Variants in BTBD8 observed in about 807,000 individuals in gnomAD.
BTBD8 encodes the protein BTB/POZ domain-containing protein 8.
In BTBD8, 110 loss-of-function variants were observed where a neutral mutation model predicts 162.9. The observed-to-expected ratio is 0.68, with a 90% CI of 0.58 to 0.79. The LOEUF (loss-of-function observed/expected upper bound fraction) is 0.79, where lower values mean the gene tolerates loss of function less well. Ranked by LOEUF, BTBD8 falls within the 30% of genes least tolerant of loss-of-function variation. BTBD8 has a pLI of 0.00. For missense variants in BTBD8, 1,905 were observed against 2,085.4 expected (o/e 0.91, Z 1.68); for synonymous variants, 667 against 716.1 (o/e 0.93, Z 1.10).
chr1:92,107,865 T>C lies in BTBD8; in HGVS notation c.545-19T>C, dbSNP rs771145690. 9.5e-6 allele frequency: 15 copies of C among 1,582,254 alleles called. No homozygotes were observed. The highest frequency in any genetic ancestry group is 8.6e-6 in the Non-Finnish European group (10 of 1,163,356). ...TGTAATATTAAACTATTTTTTAGTC[T>C]TGTTTTTCTTTTTTAAAGATAATTA... On this transcript the variant is annotated intron_variant, in intron 3 of 17. Transcript: ENST00000636805.
chr1:92,105,862 T>C (rs1261034352), intron 3 of BTBD8, among the ~76,000 whole-genome samples: 2 of 152,160 alleles, frequency 1.3e-5, no homozygotes, highest in African/African-American at 4.8e-5. Context: ...TGGTTATAAC[T>C]AAGTGTTTGC....
At chr1:92,183,518 A>G (rs1650980125) in intron 17 of BTBD8, among the ~76,000 whole-genome samples, 1 of 151,472 alleles carries the variant, frequency 6.6e-6, no homozygotes, top group South Asian at 2.1e-4. Flanking sequence ...TCAAAACACT[A>G]TGTCTTTTTT....
At chr1:92,097,292 A>G (rs900732442) in intron 2 of BTBD8, among the ~76,000 whole-genome samples, 1 of 151,880 alleles carries the variant, frequency 6.6e-6, no homozygotes, top group African/African-American at 2.4e-5. Context: ...ACCAGCTAAT[A>G]CCCTAATGCT....
rs780650060 is a variant in BTBD8 at position 92,167,933 on chromosome 1, C to T, written c.1391C>T (p.Ser464Phe). The T allele has an allele frequency of 1.3e-6, 2 of 1,550,812 alleles. No homozygotes were observed. Among genetic ancestry groups the T allele is most frequent in the South Asian group, 1.2e-5 (1 of 83,974 alleles). The change falls in exon 11 of 18, where the codon TCT (serine) becomes TTT (phenylalanine). Residue 464 changes from serine to phenylalanine, a missense_variant. Transcript: ENST00000636805. Reference sequence around the variant, plus strand: ...AATATCACCACTGAAAATAGCTGCTCTCTTCTTATGGCTCTGGACACACTG... The same window carrying T: ...AATATCACCACTGAAAATAGCTGCTTTCTTCTTATGGCTCTGGACACACTG... ...EENITTENSCSLLMALDTLLN... is the reference protein window; with the variant it reads ...EENITTENSCFLLMALDTLLN...
At position 92,129,681 on chromosome 1, in the gene BTBD8, CT is replaced by C. The variant is rs749780025; in HGVS notation, c.663-3del. 5 of 1,612,168 alleles carry C rather than the reference CT, an allele frequency of 3.1e-6. No homozygotes were observed. In the African/African-American group the frequency reaches 6.7e-5, roughly 22 times the overall value. The stretch of plus-strand genomic sequence containing the variant: ...TACCTGTGTTTCTCCCCCCTCTTCC[CT>C]TTAGGGCCATTTTGAGTGCCAGATC... On this transcript the variant is annotated splice_region_variant and splice_polypyrimidine_tract_variant and intron_variant, in intron 4 of 17. Coordinates refer to ENST00000636805, the MANE Select transcript of BTBD8 (RefSeq NM_001376131.1).
chr1:92,179,269 T>C (rs576724451), intron 16 of BTBD8, among the ~76,000 whole-genome samples: 96 of 151,402 alleles, frequency 6.3e-4, no homozygotes, highest in African/African-American at 2.0e-3. Context: ...AAATTGATAA[T>C]GATAATAATA....
chr1:92,091,284 C>T (rs916986455), intron 2 of BTBD8, among the ~76,000 whole-genome samples: 1 of 152,178 alleles, frequency 6.6e-6, no homozygotes, highest in African/African-American at 2.4e-5. Context: ...CTGCTTTCTT[C>T]TTCGCCTTCT....
chr1:92,127,552 TTTTGTTTGTTTGTTTGTTTG>T (rs71586734), intron 4 of BTBD8, among the ~76,000 whole-genome samples: 5 of 150,048 alleles, frequency 3.3e-5, no homozygotes, highest in South Asian at 2.1e-4. Context: ...TTTTGGAAGT[TTTTGTTTGTTTGTTTGTTTG>T]TTTGTTTGTT....
chr1:92,129,752 C>T lies in BTBD8; in HGVS notation c.728C>T (p.Ser243Phe), dbSNP rs916143745. ...AMLSGCWAESSQEYVTLQGIS... is the reference protein window; with the variant it reads ...AMLSGCWAESFQEYVTLQGIS... Reference sequence around the variant, plus strand: ...CTGAGTGGCTGTTGGGCTGAAAGCTCCCAAGAGTACGTTACTCTTCAAGGG... The same window carrying T: ...CTGAGTGGCTGTTGGGCTGAAAGCTTCCAAGAGTACGTTACTCTTCAAGGG... Residue 243 changes from serine to phenylalanine, a missense_variant, in exon 5 of 18, where the codon TCC (serine) becomes TTC (phenylalanine). Transcript: ENST00000636805. The T allele has an allele frequency of 6.2e-7, 1 of 1,613,936 alleles. No homozygotes were observed.
At position 92,177,233 on chromosome 1, in the gene BTBD8, A is replaced by G; in HGVS notation, c.2040A>G (p.Gly680=). ...TGQKNLLNGK[G]VRNQEGQISG... Reference sequence around the variant, plus strand: ...AGAAGAATTTACTAAATGGAAAAGGAGTGAGAAATCAGGAAGGGCAAATTT... The same window carrying G: ...AGAAGAATTTACTAAATGGAAAAGGGGTGAGAAATCAGGAAGGGCAAATTT... Residue 680 remains glycine, a synonymous_variant, in exon 14 of 18, where the codon GGA becomes GGG. Coordinates refer to ENST00000636805, the MANE Select transcript of BTBD8 (RefSeq NM_001376131.1). 1.3e-6 allele frequency: 2 copies of G among 1,552,116 alleles called. No homozygotes were observed. Among genetic ancestry groups the G allele is most frequent in the Non-Finnish European group, 1.7e-6 (2 of 1,147,094 alleles).
intron 1 of BTBD8, among the ~76,000 whole-genome samples, chr1:92,084,470 G>T (rs907601862): frequency 1.3e-5 from 2 of 152,186 alleles, no homozygotes; most frequent in African/African-American, 4.8e-5. Context: ...TGGAACACAG[G>T]CTGTAAAGGG....
intron 4 of BTBD8, among the ~76,000 whole-genome samples, chr1:92,121,030 G>T (rs150612624): frequency 1.3e-5 from 2 of 152,260 alleles, no homozygotes; most frequent in Non-Finnish European, 2.9e-5. Context: ...CCCCCAGAGT[G>T]CTGGGATTAC....
At chr1:92,128,440 G>A (rs1025559176) in intron 4 of BTBD8, among the ~76,000 whole-genome samples, 17 of 152,060 alleles carry the variant, frequency 1.1e-4, no homozygotes, top group African/African-American at 3.6e-4. Context: ...CACCACGCCC[G>A]GCTAATTTTT....
In BTBD8 at chr1:92,167,870, C is replaced by T; in HGVS notation, c.1328C>T (p.Ala443Val). 6.5e-7 allele frequency: 1 copy of T among 1,550,296 alleles called. No homozygotes were observed. Among genetic ancestry groups the T allele is most frequent in the Non-Finnish European group, 8.7e-7 (1 of 1,146,024 alleles). Residue 443 changes from alanine to valine, a missense_variant, in exon 11 of 18, where the codon GCC becomes GTC. Physicochemically the swap from Ala to Val is moderately conservative, Grantham distance 64. Coordinates refer to ENST00000636805, the MANE Select transcript of BTBD8 (RefSeq NM_001376131.1). ...TAGTCACAAGCAATGAGCAGCACAG[C>T]CGATCTGTTGGACACAATTTTAAAA... is the stretch of plus-strand genomic sequence containing the variant. The part of the protein sequence containing the change: ...LLQSQAMSST[A>V]DLLDTILKAI...
At chr1:92,083,332 C>G (rs565061596) in intron 1 of BTBD8, among the ~76,000 whole-genome samples, 4 of 152,086 alleles carry the variant, frequency 2.6e-5, no homozygotes, top group African/African-American at 9.6e-5. Flanking sequence ...CTTTTTCTAC[C>G]ATAGATTTGC....
chr1:92,085,838 C>T (rs1054478713), intron 1 of BTBD8, among the ~76,000 whole-genome samples: 2 of 152,206 alleles, frequency 1.3e-5, no homozygotes, highest in Non-Finnish European at 1.5e-5. Flanking sequence ...TGATCAGACC[C>T]AACACCAGGC....
chr1:92,103,409 G>A (rs1004347876), intron 3 of BTBD8, among the ~76,000 whole-genome samples: 1 of 152,186 alleles, frequency 6.6e-6, no homozygotes, highest in African/African-American at 2.4e-5. Context: ...AGGATGGAAT[G>A]CATTAAAGAT....
chr1:92,083,638 G>T (rs1273458079), intron 1 of BTBD8, among the ~76,000 whole-genome samples: 2 of 152,166 alleles, frequency 1.3e-5, no homozygotes, highest in African/African-American at 4.8e-5. Flanking sequence ...TTTCTCCAGT[G>T]AAATGTTTGT....
Position 92,133,866 on chromosome 1 carries a change from A to T in BTBD8, c.752+4090A>T, listed in dbSNP as rs1649569006. 2.6e-5 allele frequency among the ~76,000 whole-genome samples: 4 copies of T among 152,064 alleles called. No individual in the cohort carries two copies. In the South Asian group the frequency reaches 8.3e-4, roughly 32 times the overall value. On this transcript the variant is annotated intron_variant, in intron 5 of 17. Transcript: ENST00000636805. ...GCGCCTGTAGTCCCAGGTACTTGGG[A>T]GGCTGAGGCAGCAGAATGGCGTGAA...
Sources: gnomAD v4.1 joint callset for allele counts (sites outside exome capture counted in the v4.1 genomes callset) on GRCh38, gnomAD v4.1.1 for gene constraint, MANE v1.5 for transcripts, NCBI Gene and HGNC (gene_info 2026-07-23, HGNC 2026-07-21) for gene names.